The following THEMIS variants were observed in gnomAD, a reference collection of about 807,000 sequenced individuals.
THEMIS encodes the protein protein THEMIS.
In THEMIS, 37 loss-of-function variants were observed where a neutral mutation model predicts 52.6. The ratio of observed to expected loss-of-function variants is 0.70; its 90% confidence interval spans 0.54 to 0.93. The LOEUF is 0.93. Among genes scored for constraint, THEMIS ranks in the 40% least tolerant of loss-of-function variants. The pLI is 0.00. For synonymous variants in THEMIS, 292 were observed against 272.7 expected (o/e 1.07, Z -0.70); for missense variants, 808 against 763.1 (o/e 1.06, Z -0.69).
chr6:127,797,736 A>T (rs968942819), intron 4 of THEMIS, among the ~76,000 whole-genome samples: 1 of 152,290 alleles, frequency 6.6e-6, no homozygotes. Context: ...CATCTGTAAA[A>T]CAATCTTCTC....
In THEMIS at chr6:127,759,929, A is replaced by G. The variant is rs190491438; in HGVS notation, c.1759-40106T>C. 1.8e-3 allele frequency among the ~76,000 whole-genome samples: 263 copies of G among 143,654 alleles called. 1 individual carries two copies. The highest frequency in any genetic ancestry group is 2.6e-3 in the Non-Finnish European group (174 of 66,982). The allele number at this position is 143,654 out of a possible 152,430, so 94.2% of individuals were successfully genotyped here. A position where few individuals can be genotyped will look rare whatever the true frequency, so the allele number is the denominator to read the frequency against. On this transcript the variant is annotated intron_variant, in intron 4 of 5. Coordinates refer to ENST00000368248, the MANE Select transcript of THEMIS (RefSeq NM_001010923.3). ...GATCCCTTTATAATCTCTTGTTCAT[A>G]GGGTAACCAAAGGGATCATTCTGAA...
intron 2 of THEMIS, among the ~76,000 whole-genome samples, chr6:127,847,776 C>A (rs1453184490): frequency 1.3e-5 from 2 of 151,526 alleles, no homozygotes; most frequent in Non-Finnish European, 2.9e-5. Flanking sequence ...TCATTCTTTA[C>A]AGAATTAGAA....
At chr6:127,835,016 A>C (rs953715488) in intron 2 of THEMIS, among the ~76,000 whole-genome samples, 4 of 152,120 alleles carry the variant, frequency 2.6e-5, no homozygotes, top group Admixed American at 2.6e-4. Context: ...AATGTGAGAA[A>C]TTGTTATTTT....
chr6:127,723,722 T>C (rs918183960), intron 4 of THEMIS, among the ~76,000 whole-genome samples: 1 of 152,026 alleles, frequency 6.6e-6, no homozygotes, highest in African/African-American at 2.4e-5. Flanking sequence ...ATTTCCCCCT[T>C]AATATTAAGA....
chr6:127,802,260 C>A (rs1192797183), intron 4 of THEMIS, among the ~76,000 whole-genome samples: 2 of 152,168 alleles, frequency 1.3e-5, no homozygotes, highest in Non-Finnish European at 2.9e-5. Context: ...ATACCCTTGA[C>A]CAATGCCTTG....
At chr6:127,776,409 C>T (rs1016158622) in intron 4 of THEMIS, among the ~76,000 whole-genome samples, 6 of 152,182 alleles carry the variant, frequency 3.9e-5, no homozygotes, top group Non-Finnish European at 7.3e-5. Context: ...TCTTGGACCT[C>T]TCATTCTTGG....
intron 1 of THEMIS, among the ~76,000 whole-genome samples, chr6:127,888,974 A>G (rs910943005): frequency 2.6e-5 from 4 of 152,138 alleles, no homozygotes; most frequent in Non-Finnish European, 5.9e-5. Flanking sequence ...AATTTATTGT[A>G]TCAGTGAGAG....
chr6:127,915,992 T>C (rs1781517793), intron 1 of THEMIS, among the ~76,000 whole-genome samples: 1 of 151,970 alleles, frequency 6.6e-6, no homozygotes, highest in African/African-American at 2.4e-5. Context: ...GTCTCAAAAC[T>C]AATAATAAAA....
rs996737541 is a variant in THEMIS, at chr6:127,813,074, C to T, written c.1567G>A (p.Ala523Thr). The T allele has an allele frequency of 1.9e-6, 3 of 1,614,114 alleles. No homozygotes were observed. The highest frequency in any genetic ancestry group is 2.5e-6 in the Non-Finnish European group (3 of 1,180,022). The stretch of plus-strand genomic sequence containing the variant: ...AGAGTCCTGACTAGAAATGGTTCTG[C>T]ATCCCTAGAGAAATTACTAACTAAC... ...VQLVSNFSRDAEPFLVRTLVE... is the reference protein window; with the variant it reads ...VQLVSNFSRDTEPFLVRTLVE... Residue 523 changes from alanine to threonine, a missense_variant, in exon 4 of 6, where the codon GCA (alanine) becomes ACA (threonine). Ala to Thr is a moderately conservative substitution (Grantham distance 58, BLOSUM62 0). Coordinates refer to ENST00000368248, the MANE Select transcript of THEMIS (RefSeq NM_001010923.3).
chr6:127,856,471 G>GC (rs1171693321), intron 1 of THEMIS, among the ~76,000 whole-genome samples: 2 of 151,814 alleles, frequency 1.3e-5, no homozygotes, highest in African/African-American at 4.8e-5. Context: ...TTCTCCATAG[G>GC]CATCCCATTA....
intron 4 of THEMIS, among the ~76,000 whole-genome samples, chr6:127,747,134 T>A (rs9401996): frequency 0.039 from 1,699 of 43,896 alleles, 125 homozygotes; most frequent in African/African-American, 0.087. Flanking sequence ...ATATTATATA[T>A]AATTGTATAT....
At chr6:127,884,523 C>T (rs1009311305) in intron 1 of THEMIS, among the ~76,000 whole-genome samples, 3 of 152,108 alleles carry the variant, frequency 2.0e-5, no homozygotes, top group African/African-American at 7.2e-5. Context: ...TCAACTCCCC[C>T]TCTTGCTCAC....
chr6:127,761,615 C>T (rs1389705031), intron 4 of THEMIS, among the ~76,000 whole-genome samples: 2 of 152,148 alleles, frequency 1.3e-5, no homozygotes, highest in African/African-American at 4.8e-5. Flanking sequence ...TATACAGGAC[C>T]TGATGAAACC....
At chr6:127,714,899 A>T (rs1774105894) in intron 5 of THEMIS, among the ~76,000 whole-genome samples, 1 of 151,960 alleles carries the variant, frequency 6.6e-6, no homozygotes, top group African/African-American at 2.4e-5. Context: ...CATTCTGCTG[A>T]TGAGATCTCC....
chr6:127,854,004 T>C (rs1194402725), intron 2 of THEMIS, among the ~76,000 whole-genome samples: 1 of 151,726 alleles, frequency 6.6e-6, no homozygotes, highest in East Asian at 1.9e-4. Context: ...AAACACATCA[T>C]ATTGTTAAGA....
At chr6:127,805,246 A>G (rs1777661867) in intron 4 of THEMIS, among the ~76,000 whole-genome samples, 1 of 152,112 alleles carries the variant, frequency 6.6e-6, no homozygotes, top group South Asian at 2.1e-4. Context: ...AGCATTAGAG[A>G]TATTTTAACC....
At chr6:127,892,681 T>C (rs1780847506) in intron 1 of THEMIS, among the ~76,000 whole-genome samples, 1 of 152,170 alleles carries the variant, frequency 6.6e-6, no homozygotes, top group African/African-American at 2.4e-5. Context: ...ATTTTAAAAT[T>C]AATTTCTAGT....
chr6:127,786,556 T>C (rs1365149774), intron 4 of THEMIS, among the ~76,000 whole-genome samples: 1 of 152,194 alleles, frequency 6.6e-6, no homozygotes, highest in East Asian at 1.9e-4. Context: ...CTATTCTAAG[T>C]GGTTTTCTTG....
intron 4 of THEMIS, among the ~76,000 whole-genome samples, chr6:127,781,475 G>T (rs528487502): frequency 1.3e-5 from 2 of 152,036 alleles, no homozygotes; most frequent in East Asian, 3.9e-4. Context: ...AAGTGTTCTG[G>T]TTTTTGGAAT....
Sources: allele counts gnomAD v4.1 joint callset (sites outside exome capture counted in the v4.1 genomes callset), GRCh38; gene constraint gnomAD v4.1.1; transcripts MANE v1.5; gene names NCBI Gene and HGNC (gene_info 2026-07-23, HGNC 2026-07-21).